The following OR52A1 variants were observed in gnomAD, a reference collection of about 807,000 sequenced individuals.
The protein encoded by OR52A1 is olfactory receptor family 52 subfamily A member 1, also known as olfactory receptor 52A1.
Under a neutral mutation model 14.3 loss-of-function variants are expected in OR52A1, and 14 were observed. The ratio of observed to expected loss-of-function variants is 0.98; its 90% CI spans 0.65 to 1.54. The LOEUF (loss-of-function observed/expected upper bound fraction) is 1.54. OR52A1 is among the 40% of genes most tolerant of loss of function. The pLI is 0.00. For missense variants in OR52A1, 405 were observed against 381.3 expected, an observed-to-expected ratio of 1.06 and a Z score of -0.52; for synonymous variants, 151 against 135.3, an observed-to-expected ratio of 1.12 and a Z score of -0.80.
At position 5,147,982 on chromosome 11, in the gene OR52A1, A is replaced by AGCCAAATAG. The variant is rs1181835494; in HGVS notation, c.*3440_*3448dup. On this transcript the variant is annotated 3_prime_UTR_variant, in exon 2 of 2. Transcript: ENST00000380367. The stretch of plus-strand genomic sequence containing the variant: ...ATACAGGCATACAGCTTAGTATTAA[A>AGCCAAATAG]GCCAAATAGGCCTGCTAACCAAATC... 6.6e-6 allele frequency: 1 copy of AGCCAAATAG among 152,092 alleles called. No homozygotes were observed. Among genetic ancestry groups the AGCCAAATAG allele is most frequent in the Non-Finnish European group, 1.5e-5 (1 of 68,014 alleles). 9.4% of individuals were successfully genotyped at this position (152,092 alleles called of 1,614,324 possible). A position where few individuals can be genotyped will look rare whatever the true frequency, so the allele number is the denominator to read the frequency against.
At chr11:5,152,875 C>T (rs1846565602) in intron 1 of OR52A1, among the ~76,000 whole-genome samples, 185 bp from the exon 2 acceptor site, 1 of 151,884 alleles carries the variant, frequency 6.6e-6, no homozygotes, top group Admixed American at 6.6e-5. Context: ...TAAAAGATTC[C>T]CAATGAAAGA....
intron 1 of OR52A1, among the ~76,000 whole-genome samples, chr11:5,153,493 A>G (rs1846573168): frequency 6.6e-6 from 1 of 152,226 alleles, no homozygotes; most frequent in South Asian, 2.1e-4. Flanking sequence ...GGAAAGCACT[A>G]TGAATAACCA....
At position 5,154,563 on chromosome 11, in the gene OR52A1, T is replaced by C. The variant is rs753394187; in HGVS notation, c.-438A>G. 1 of 152,236 alleles carries C rather than the reference T, an allele frequency of 6.6e-6. No homozygotes were observed. Among genetic ancestry groups the C allele is most frequent in the Non-Finnish European group, 1.5e-5 (1 of 68,040 alleles). 9.4% of individuals were successfully genotyped at this position (152,236 alleles called of 1,614,324 possible). A position where few individuals can be genotyped will look rare whatever the true frequency, so the allele number is the denominator to read the frequency against. On this transcript the variant is annotated 5_prime_UTR_variant, in exon 1 of 2. Transcript: ENST00000380367. ...ATCCAGCTAATGTCATAAATTTTACTCTGTTTGGTGCCAGGATATGTGCCA... is the reference window on the plus strand; with the variant it reads ...ATCCAGCTAATGTCATAAATTTTACCCTGTTTGGTGCCAGGATATGTGCCA...
Position 5,150,213 on chromosome 11 carries a change from G to GACACACACACACACAC in OR52A1, c.*1202_*1217dup, listed in dbSNP as rs5789370. 6.9e-6 allele frequency: 1 copy of GACACACACACACACAC among 144,586 alleles called. No individual in the cohort carries two copies. The highest frequency in any genetic ancestry group is 2.0e-4 in the East Asian group (1 of 4,898). 9.0% of individuals were successfully genotyped at this position (144,586 alleles called of 1,614,324 possible). A position where few individuals can be genotyped will look rare whatever the true frequency, so the allele number is the denominator to read the frequency against. ...TGGTATGCTGCCACATGCCCAAGCA[G>GACACACACACACACAC]ACACACACACACACACACACACACA... is the stretch of plus-strand genomic sequence containing the variant. On this transcript the variant is annotated 3_prime_UTR_variant, in exon 2 of 2. Transcript: ENST00000380367.
rs1045878843 is a variant in OR52A1 at position 5,151,186 on chromosome 11, G to A, written c.*245C>T. ...TCTTAGAAGAATAACTCAACCAGGG[G>A]CTAAAGAATAAAAGAGAAAAAATAA... On this transcript the variant is annotated 3_prime_UTR_variant, in exon 2 of 2. Transcript: ENST00000380367. The A allele has an allele frequency of 2.2e-5, 7 of 322,228 alleles. No homozygotes were observed. Among genetic ancestry groups the A allele is most frequent in the African/African-American group, 1.5e-4 (7 of 46,466 alleles). The allele number at this position is 322,228 out of a possible 1,614,324, so 20.0% of individuals were successfully genotyped here.
At position 5,151,604 on chromosome 11, in the gene OR52A1, G is replaced by C. The variant is rs765713254; in HGVS notation, c.766C>G (p.Leu256Val). The change falls in exon 2 of 2, where the codon CTC (leucine) becomes GTC (valine). Residue 256 changes from leucine (L) to valine (V), a missense_variant. Coordinates refer to ENST00000380367, the MANE Select transcript of OR52A1 (RefSeq NM_012375.3). Reference sequence around the variant, plus strand: ...GTGAAGAAGGAGAAGAAGGCAAGGAGGTAGAACTGGAGGAAGACACAGATG... The same window carrying C: ...GTGAAGAAGGAGAAGAAGGCAAGGACGTAGAACTGGAGGAAGACACAGATG... The part of the protein sequence containing the change: ...AHICVFLQFY[L>V]LAFFSFFTHR... 1.2e-6 allele frequency: 2 copies of C among 1,614,122 alleles called. No homozygotes were observed. The highest frequency in any genetic ancestry group is 1.7e-5 in the Admixed American group (1 of 60,012).
Position 5,151,709 on chromosome 11 carries a change from A to G in OR52A1, c.661T>C (p.Tyr221His). The G allele has an allele frequency of 6.2e-7, 1 of 1,614,212 alleles. No individual in the cohort carries two copies. The highest frequency in any genetic ancestry group is 1.1e-5 in the South Asian group (1 of 91,082). ...GFDLTFITLS[Y>H]IQIFITVFRL... ...AAAACTGTGATAAATATCTGGATGT[A>G]GGACAATGTGATGAATGTGAGGTCA... Residue 221 changes from tyrosine (Y) to histidine (H), a missense_variant, in exon 2 of 2, where the codon TAC (tyrosine) becomes CAC (histidine). Transcript: ENST00000380367.
rs1846517519 is a variant in OR52A1, at chr11:5,149,321, TA to T, written c.*2109del. On this transcript the variant is annotated 3_prime_UTR_variant, in exon 2 of 2. Transcript: ENST00000380367. ...TCACATTGTGTCTCTTTGTTGGACC[TA>T]TATTACCACATATTTTTGGTGGTGC... 1 of 152,238 alleles carries T rather than the reference TA, an allele frequency of 6.6e-6. No homozygotes were observed. Among genetic ancestry groups the T allele is most frequent in the Admixed American group, 6.5e-5 (1 of 15,276 alleles). The allele number at this position is 152,238 out of a possible 1,614,324, so 9.4% of individuals were successfully genotyped here.
chr11:5,152,137 C>T lies in OR52A1; in HGVS notation c.233G>A (p.Ser78Asn), dbSNP rs1422583403. 1.9e-6 allele frequency: 3 copies of T among 1,613,924 alleles called. No individual in the cohort carries two copies. Among genetic ancestry groups the T allele is most frequent in the African/African-American group, 2.7e-5 (2 of 74,926 alleles). The change falls in exon 2 of 2, where the codon AGC becomes AAC. Residue 78 changes from serine to asparagine, a missense_variant. Coordinates refer to ENST00000380367, the MANE Select transcript of OR52A1 (RefSeq NM_012375.3). The part of the protein sequence containing the change: ...LGATDIALAS[S>N]IMPKMLGIFW... ...TATTCCAAGCATCTTTGGCATAATG[C>T]TGCTAGCAAGTGCAATGTCTGTGGC...
In OR52A1 at chr11:5,148,626, A is replaced by G. The variant is rs1217263325; in HGVS notation, c.*2805T>C. ...TTTTTCTTTTCTTCTTTATGCCTGA[A>G]GTCACTTCTACTAGAAAATGCCAAT... is the stretch of plus-strand genomic sequence containing the variant. On this transcript the variant is annotated 3_prime_UTR_variant, in exon 2 of 2. Coordinates refer to ENST00000380367, the MANE Select transcript of OR52A1 (RefSeq NM_012375.3). The G allele has an allele frequency of 6.6e-6, 1 of 152,132 alleles. No individual in the cohort carries two copies. The highest frequency in any genetic ancestry group is 2.4e-5 in the African/African-American group (1 of 41,400). 9.4% of individuals were successfully genotyped at this position (152,132 alleles called of 1,614,324 possible).
Position 5,151,801 on chromosome 11 carries a change from A to T in OR52A1, c.569T>A (p.Leu190Gln). 6.2e-7 allele frequency: 1 copy of T among 1,614,206 alleles called. No homozygotes were observed. Among genetic ancestry groups the T allele is most frequent in the East Asian group, 2.2e-5 (1 of 44,888 alleles). Residue 190 changes from leucine to glutamine, a missense_variant, in exon 2 of 2, where the codon CTA becomes CAA. Transcript: ENST00000380367. Reference protein sequence around the residue: ...SYCEHMAIVKLAAANVQVNKI... With the variant: ...SYCEHMAIVKQAAANVQVNKI... ...GTTGACTTGAACATTTGCTGCTGCT[A>T]GTTTCACAATGGCCATATGCTCACA...
chr11:5,152,215 T>A lies in OR52A1; in HGVS notation c.155A>T (p.Lys52Ile). 1 of 1,614,124 alleles carries A rather than the reference T, an allele frequency of 6.2e-7. No individual in the cohort carries two copies. The highest frequency in any genetic ancestry group is 1.6e-4 in the Middle Eastern group (1 of 6,062). ...GGGCTCATGGAGACTGCGCTCAGAT[T>A]TGATGATGCTCAGAAGCAAGGAATT... Reference protein sequence around the residue: ...IGNSLLLSIIKSERSLHEPLY... With the variant: ...IGNSLLLSIIISERSLHEPLY... Residue 52 changes from lysine to isoleucine, a missense_variant, in exon 2 of 2, where the codon AAA (lysine) becomes ATA (isoleucine). Lys to Ile is a moderately radical substitution (Grantham distance 102). Transcript: ENST00000380367.
Position 5,152,487 on chromosome 11 carries a change from A to G in OR52A1, c.-118T>C, listed in dbSNP as rs1846560547. 9 of 700,688 alleles carry G rather than the reference A, an allele frequency of 1.3e-5. No homozygotes were observed. In the Middle Eastern group the frequency reaches 1.2e-3, roughly 96 times the overall value. 43.4% of individuals were successfully genotyped at this position (700,688 alleles called of 1,614,324 possible). On this transcript the variant is annotated 5_prime_UTR_variant, in exon 2 of 2. Coordinates refer to ENST00000380367, the MANE Select transcript of OR52A1 (RefSeq NM_012375.3). ...TATTGAGTCTGTCTGATTTGGGTAT[A>G]ACTCTAAAATCATCCATCTTATTCA...
Position 5,151,358 on chromosome 11 carries a change from T to C in OR52A1, c.*73A>G, listed in dbSNP as rs1234716829. 10 of 1,236,722 alleles carry C rather than the reference T, an allele frequency of 8.1e-6. No homozygotes were observed. The highest frequency in any genetic ancestry group is 2.1e-4 in the Middle Eastern group (1 of 4,658). 76.6% of individuals were successfully genotyped at this position (1,236,722 alleles called of 1,614,324 possible). A position where few individuals can be genotyped will look rare whatever the true frequency, so the allele number is the denominator to read the frequency against. On this transcript the variant is annotated 3_prime_UTR_variant, in exon 2 of 2. Coordinates refer to ENST00000380367, the MANE Select transcript of OR52A1 (RefSeq NM_012375.3). The stretch of plus-strand genomic sequence containing the variant: ...CACAAACCCAGCATCTCAAATAATA[T>C]GTTTTTTGTTTTGTTTTGATATGGT...
chr11:5,149,863 A>G lies in OR52A1; in HGVS notation c.*1568T>C, dbSNP rs534611731. ...TTGAAACTTGAAACAGTCTCAAAAG[A>G]TCCCTTAAGATAGCCTCTATAATCA... On this transcript the variant is annotated 3_prime_UTR_variant, in exon 2 of 2. Transcript: ENST00000380367. The G allele has an allele frequency of 3.3e-5, 5 of 152,296 alleles. No homozygotes were observed. The East Asian group carries it at 7.7e-4, about 24-fold the overall frequency. The allele number at this position is 152,296 out of a possible 1,614,324, so 9.4% of individuals were successfully genotyped here. A position where few individuals can be genotyped will look rare whatever the true frequency, so the allele number is the denominator to read the frequency against.
rs1846560417 is a variant in OR52A1, at chr11:5,152,476, G to A, written c.-107C>T. ...CAAACTCATTATATTGAGTCTGTCTGATTTGGGTATAACTCTAAAATCATC... is the reference window on the plus strand; with the variant it reads ...CAAACTCATTATATTGAGTCTGTCTAATTTGGGTATAACTCTAAAATCATC... On this transcript the variant is annotated 5_prime_UTR_variant, in exon 2 of 2. An upstream open reading frame in the 5' UTR gains an earlier in-frame stop. Transcript: ENST00000380367. 7.9e-6 allele frequency: 6 copies of A among 754,904 alleles called. No individual in the cohort carries two copies. Among genetic ancestry groups the A allele is most frequent in the Non-Finnish European group, 1.1e-5 (5 of 465,742 alleles). 46.8% of individuals were successfully genotyped at this position (754,904 alleles called of 1,614,324 possible). A position where few individuals can be genotyped will look rare whatever the true frequency, so the allele number is the denominator to read the frequency against.
At position 5,152,386 on chromosome 11, in the gene OR52A1, C is replaced by T; in HGVS notation, c.-17G>A. 1 of 1,541,400 alleles carries T rather than the reference C, an allele frequency of 6.5e-7. No homozygotes were observed. Among genetic ancestry groups the T allele is most frequent in the Non-Finnish European group, 8.8e-7 (1 of 1,135,046 alleles). On this transcript the variant is annotated 5_prime_UTR_variant, in exon 2 of 2. Coordinates refer to ENST00000380367, the MANE Select transcript of OR52A1 (RefSeq NM_012375.3). ...AATGGACATAGTGTCGTTGGGTCTC[C>T]TGATGCAAACAAAAGAAGTTTCTCA...
chr11:5,151,512 G>C lies in OR52A1; in HGVS notation c.858C>G (p.Val286=), dbSNP rs1564852932. The change falls in exon 2 of 2, where the codon GTC becomes GTG. Residue 286 remains valine, a synonymous_variant. Transcript: ENST00000380367. ...HILFSSIYLL[V]PPFLNPLVYG... ...AGACAAGTGGATTGAGAAATGGAGG[G>C]ACCAGCAAGTAAATGCTAGAAAAGA... is the stretch of plus-strand genomic sequence containing the variant. The C allele has an allele frequency of 6.2e-7, 1 of 1,614,048 alleles. No individual in the cohort carries two copies. The highest frequency in any genetic ancestry group is 1.3e-5 in the African/African-American group (1 of 75,034).
Position 5,151,476 on chromosome 11 carries a change from C to G in OR52A1, c.894G>C (p.Lys298Asn). ...PFLNPLVYGA[K>N]TTQIRIHVVK... ...CCACATGAATGCGAATCTGTGTGGT[C>G]TTTGCACCATAGACAAGTGGATTGA... is the stretch of plus-strand genomic sequence containing the variant. Residue 298 changes from lysine (K) to asparagine (N), a missense_variant, in exon 2 of 2, where the codon AAG (lysine) becomes AAC (asparagine). Transcript: ENST00000380367. The G allele has an allele frequency of 6.2e-7, 1 of 1,613,836 alleles. No homozygotes were observed. The highest frequency in any genetic ancestry group is 8.5e-7 in the Non-Finnish European group (1 of 1,179,866).
Sources: allele counts gnomAD v4.1 joint callset (sites outside exome capture counted in the v4.1 genomes callset), GRCh38; gene constraint gnomAD v4.1.1; transcripts MANE v1.5; gene names NCBI Gene and HGNC (gene_info 2026-07-23, HGNC 2026-07-21).